Variants in TTC36 observed in about 807,000 individuals in gnomAD.
TTC36 encodes tetratricopeptide repeat domain 36.
A neutral mutation model predicts 17.5 loss-of-function variants in TTC36; 15 were observed. The ratio of observed to expected loss-of-function variants is 0.86; its 90% CI spans 0.57 to 1.32. The LOEUF (loss-of-function observed/expected upper bound fraction) is 1.32. TTC36 is among the 40% of genes most tolerant of loss of function. The probability of loss-of-function intolerance (pLI) is 0.00; values close to 1 mark genes in which losing one functional copy is unlikely to be tolerated. For synonymous variants in TTC36, 112 were observed against 109.8 expected (o/e 1.02, Z -0.13); for missense variants, 292 against 260.9 (o/e 1.12, Z -0.82).
intron 1 of TTC36, 83 bp downstream of exon 1, chr11:118,527,695 T>G (rs1951110364): frequency 1.1e-6 from 1 of 942,254 alleles, no homozygotes; most frequent in African/African-American, 1.6e-5. Context: ...GGTGGTTTTA[T>G]AAGGCCCCTT....
In TTC36 at chr11:118,530,577, G is replaced by A; in HGVS notation, c.308-77G>A. 3.0e-6 allele frequency: 4 copies of A among 1,338,326 alleles called. No homozygotes were observed. The highest frequency in any genetic ancestry group is 3.8e-6 in the Non-Finnish European group (4 of 1,052,266). 82.9% of individuals were successfully genotyped at this position (1,338,326 alleles called of 1,614,324 possible). Reference sequence around the variant, plus strand: ...AAGAACCACGGTGATCCGCGCGGCCGCAGGTGGGCTGGGGCTCGGGCAAGG... The same window carrying A: ...AAGAACCACGGTGATCCGCGCGGCCACAGGTGGGCTGGGGCTCGGGCAAGG... On this transcript the variant is annotated intron_variant, in intron 2 of 2. Transcript: ENST00000302783. The surrounding 1 kb of genome is among the most constrained non-coding windows in gnomAD (Gnocchi z 5.8).
At chr11:118,529,689 C>G (rs180970107) in intron 2 of TTC36, among the ~76,000 whole-genome samples, 5 of 152,316 alleles carry the variant, frequency 3.3e-5, no homozygotes, top group Non-Finnish European at 7.3e-5. Context: ...GGGAACCTCC[C>G]AGGAGCCCCT....
At chr11:118,529,508 C>T (rs1423068050) in intron 2 of TTC36, among the ~76,000 whole-genome samples, 4 of 152,180 alleles carry the variant, frequency 2.6e-5, no homozygotes, top group Non-Finnish European at 5.9e-5. Flanking sequence ...TCAGGTTATT[C>T]TAATTAAGTG....
chr11:118,530,986 C>T lies in TTC36; in HGVS notation c.*70C>T. The stretch of plus-strand genomic sequence containing the variant: ...CCCTGAACCAATAAAGCCGTCGGGC[C>T]TCACCGACTCCGCCTGCTCCTGCGT... On this transcript the variant is annotated 3_prime_UTR_variant, in exon 3 of 3. Coordinates refer to ENST00000302783, the MANE Select transcript of TTC36 (RefSeq NM_001080441.4). This position sits in a 1 kb window ranked among gnomAD's most constrained non-coding sequence, Gnocchi z 5.8. 7.1e-7 allele frequency: 1 copy of T among 1,402,510 alleles called. No individual in the cohort carries two copies. The highest frequency in any genetic ancestry group is 9.2e-7 in the Non-Finnish European group (1 of 1,087,128). The allele number at this position is 1,402,510 out of a possible 1,614,324, so 86.9% of individuals were successfully genotyped here.
At position 118,530,984 on chromosome 11, in the gene TTC36, G is replaced by A. The variant is rs1347289068; in HGVS notation, c.*68G>A. On this transcript the variant is annotated 3_prime_UTR_variant, in exon 3 of 3. Transcript: ENST00000302783. The surrounding 1 kb of genome is among the most constrained non-coding windows in gnomAD (Gnocchi z 5.8). ...GGCCCTGAACCAATAAAGCCGTCGG[G>A]CCTCACCGACTCCGCCTGCTCCTGC... The A allele has an allele frequency of 1.8e-5, 26 of 1,409,884 alleles. No homozygotes were observed. The East Asian group carries it at 3.0e-4, about 16-fold the overall frequency. 87.3% of individuals were successfully genotyped at this position (1,409,884 alleles called of 1,614,324 possible). A position where few individuals can be genotyped will look rare whatever the true frequency, so the allele number is the denominator to read the frequency against.
Position 118,530,529 on chromosome 11 carries a change from A to T in TTC36, c.308-125A>T. ...CTCTAGCAGGTGCGAGGCGGGTTGT[A>T]AATGGCCACGCCCGGGAGCCGCAAG... On this transcript the variant is annotated intron_variant, in intron 2 of 2. Transcript: ENST00000302783. The surrounding 1 kb of genome is among the most constrained non-coding windows in gnomAD (Gnocchi z 5.8). 1 of 1,159,428 alleles carries T rather than the reference A, an allele frequency of 8.6e-7. No individual in the cohort carries two copies. The highest frequency in any genetic ancestry group is 1.1e-6 in the Non-Finnish European group (1 of 893,346). The allele number at this position is 1,159,428 out of a possible 1,614,324, so 71.8% of individuals were successfully genotyped here.
At chr11:118,528,298 C>A (rs1951124034) in intron 1 of TTC36, among the ~76,000 whole-genome samples, 1 of 152,130 alleles carries the variant, frequency 6.6e-6, no homozygotes, top group Non-Finnish European at 1.5e-5. Context: ...CAACGTATGG[C>A]CTGTTGAGGC....
chr11:118,530,585 G>A lies in TTC36; in HGVS notation c.308-69G>A, dbSNP rs1951196199. 5 of 1,351,992 alleles carry A rather than the reference G, an allele frequency of 3.7e-6. 1 individual carries two copies. The South Asian group carries it at 9.2e-5, about 25-fold the overall frequency. The allele number at this position is 1,351,992 out of a possible 1,614,324, so 83.7% of individuals were successfully genotyped here. Reference sequence around the variant, plus strand: ...CGGTGATCCGCGCGGCCGCAGGTGGGCTGGGGCTCGGGCAAGGCCGCCCTG... The same window carrying A: ...CGGTGATCCGCGCGGCCGCAGGTGGACTGGGGCTCGGGCAAGGCCGCCCTG... On this transcript the variant is annotated intron_variant, in intron 2 of 2. Transcript: ENST00000302783. The surrounding 1 kb of genome is among the most constrained non-coding windows in gnomAD (Gnocchi z 5.8).
intron 1 of TTC36, chr11:118,528,013 G>GT: frequency 2.2e-6 from 1 of 459,586 alleles, no homozygotes; most frequent in Non-Finnish European, 4.4e-6. Context: ...ACCAGTAACC[G>GT]TTAAACACTG....
rs61900947 is a variant in TTC36 at position 118,529,510 on chromosome 11, A to G, written c.307+719A>G. ...ACTCCTGCTGCATTCAGGTTATTCT[A>G]ATTAAGTGAAGACAATGGGACCATG... On this transcript the variant is annotated intron_variant, in intron 2 of 2. Transcript: ENST00000302783. Among the ~76,000 whole-genome samples, 317 of 152,334 alleles carry G rather than the reference A, an allele frequency of 2.1e-3. 1 individual carries two copies. Among genetic ancestry groups the G allele is most frequent in the Admixed American group, 7.4e-3 (113 of 15,304 alleles).
In TTC36 at chr11:118,528,733, G is replaced by A. The variant is rs1279921629; in HGVS notation, c.249G>A (p.Glu83=). 6.2e-7 allele frequency: 1 copy of A among 1,613,132 alleles called. No homozygotes were observed. Among genetic ancestry groups the A allele is most frequent in the Non-Finnish European group, 8.5e-7 (1 of 1,179,808 alleles). The change falls in exon 2 of 3, where the codon GAG becomes GAA. Residue 83 remains glutamate (E), a synonymous_variant. Transcript: ENST00000302783. ...RFGQAICLLP[E]RASAYNNRAQ... The stretch of plus-strand genomic sequence containing the variant: ...GCCAAGCCATCTGCCTGCTGCCTGA[G>A]AGGGCTTCAGCCTACAACAACCGTG...
rs1591328350 is a variant in TTC36, at chr11:118,530,844, C to G, written c.498C>G (p.Pro166=). Residue 166 remains proline, a synonymous_variant, in exon 3 of 3, where the codon CCC becomes CCG. Transcript: ENST00000302783. This position sits in a 1 kb window ranked among gnomAD's most constrained non-coding sequence, Gnocchi z 5.8. ...FARRQLVLLN[P]YAALCNRMLA... Reference sequence around the variant, plus strand: ...GGCGCCAGCTGGTGCTGCTCAACCCCTACGCCGCGCTGTGCAACCGCATGC... The same window carrying G: ...GGCGCCAGCTGGTGCTGCTCAACCCGTACGCCGCGCTGTGCAACCGCATGC... The G allele has an allele frequency of 6.6e-7, 1 of 1,511,386 alleles. No homozygotes were observed. Among genetic ancestry groups the G allele is most frequent in the Non-Finnish European group, 8.8e-7 (1 of 1,137,376 alleles). The allele number at this position is 1,511,386 out of a possible 1,614,324, so 93.6% of individuals were successfully genotyped here. A position where few individuals can be genotyped will look rare whatever the true frequency, so the allele number is the denominator to read the frequency against.
At position 118,530,816 on chromosome 11, in the gene TTC36, C is replaced by T; in HGVS notation, c.470C>T (p.Ala157Val). The change falls in exon 3 of 3, where the codon GCG becomes GTG. Residue 157 changes from alanine (A) to valine (V), a missense_variant. Ala to Val is a moderately conservative substitution (Grantham distance 64). Transcript: ENST00000302783. The surrounding 1 kb of genome is among the most constrained non-coding windows in gnomAD (Gnocchi z 5.8). ...ERAARLGSPF[A>V]RRQLVLLNPY... ...GCGGCACGGCTGGGCAGCCCCTTCG[C>T]GCGGCGCCAGCTGGTGCTGCTCAAC... is the stretch of plus-strand genomic sequence containing the variant. The T allele has an allele frequency of 6.6e-7, 1 of 1,503,770 alleles. No homozygotes were observed. Among genetic ancestry groups the T allele is most frequent in the Non-Finnish European group, 8.8e-7 (1 of 1,134,608 alleles). 93.2% of individuals were successfully genotyped at this position (1,503,770 alleles called of 1,614,324 possible). A position where few individuals can be genotyped will look rare whatever the true frequency, so the allele number is the denominator to read the frequency against.
intron 1 of TTC36, 95 bp downstream of exon 1, chr11:118,527,707 T>A (rs1951110635): frequency 4.7e-6 from 4 of 858,494 alleles, no homozygotes; most frequent in Admixed American, 3.5e-5. Context: ...AGGCCCCTTG[T>A]TCCATGATTA....
At position 118,530,528 on chromosome 11, in the gene TTC36, T is replaced by C. The variant is rs1300871100; in HGVS notation, c.308-126T>C. ...CCTCTAGCAGGTGCGAGGCGGGTTG[T>C]AAATGGCCACGCCCGGGAGCCGCAA... On this transcript the variant is annotated intron_variant, in intron 2 of 2. Coordinates refer to ENST00000302783, the MANE Select transcript of TTC36 (RefSeq NM_001080441.4). This position sits in a 1 kb window ranked among gnomAD's most constrained non-coding sequence, Gnocchi z 5.8. 7.8e-6 allele frequency: 9 copies of C among 1,154,880 alleles called. No individual in the cohort carries two copies. The highest frequency in any genetic ancestry group is 1.0e-5 in the Non-Finnish European group (9 of 889,108). The allele number at this position is 1,154,880 out of a possible 1,614,324, so 71.5% of individuals were successfully genotyped here.
intron 1 of TTC36, chr11:118,527,867 T>A (rs1565324660): frequency 8.8e-6 from 5 of 569,620 alleles, no homozygotes; most frequent in East Asian, 8.0e-5. Context: ...ATTGACTGTA[T>A]GATCCAAGCT....
rs1472301489 is a variant in TTC36, at chr11:118,530,453, G to A, written c.308-201G>A. The A allele has an allele frequency of 2.3e-5, 13 of 567,224 alleles. No homozygotes were observed. Among genetic ancestry groups the A allele is most frequent in the Non-Finnish European group, 3.0e-5 (11 of 363,378 alleles). The allele number at this position is 567,224 out of a possible 1,614,324, so 35.1% of individuals were successfully genotyped here. On this transcript the variant is annotated intron_variant, in intron 2 of 2. Coordinates refer to ENST00000302783, the MANE Select transcript of TTC36 (RefSeq NM_001080441.4). This position sits in a 1 kb window ranked among gnomAD's most constrained non-coding sequence, Gnocchi z 5.8. ...TGCCACTAAGTGGCTTGGCTGTAGA[G>A]CTTAACTCTTCCACAGTCTTCATCT...
At chr11:118,529,163 G>A (rs782220363) in intron 2 of TTC36, among the ~76,000 whole-genome samples, 6 of 152,170 alleles carry the variant, frequency 3.9e-5, no homozygotes, top group Non-Finnish European at 7.3e-5. Flanking sequence ...TAAAAAGTAT[G>A]TACTATTGTT....
chr11:118,529,245 G>A (rs1463419578), intron 2 of TTC36, among the ~76,000 whole-genome samples: 8 of 152,200 alleles, frequency 5.3e-5, no homozygotes, highest in Non-Finnish European at 8.8e-5. Flanking sequence ...ATACAGTCAG[G>A]CAGCAGCAGA....
Sources: allele counts gnomAD v4.1 joint callset (sites outside exome capture counted in the v4.1 genomes callset), GRCh38; gene constraint gnomAD v4.1.1; non-coding constraint Gnocchi (gnomAD v3.1); transcripts MANE v1.5; gene names NCBI Gene and HGNC (gene_info 2026-07-23, HGNC 2026-07-21).